ARSL: variants seen among roughly 807,000 people sequenced by gnomAD.
ARSL encodes arylsulfatase L.
A neutral mutation model predicts 31.1 loss-of-function variants in ARSL; 4 were observed. The observed-to-expected ratio is 0.13, with a 90% CI of 0.06 to 0.29. ARSL has a LOEUF of 0.29. ARSL is among the 10% of genes least tolerant of loss of function. The pLI is 1.00. For missense variants in ARSL, 312 were observed against 497.8 expected, an observed-to-expected ratio of 0.63 and a Z score of 3.55; for synonymous variants, 198 against 209.9, an observed-to-expected ratio of 0.94 and a Z score of 0.49.
chrX:2,945,945 C>G, intron 7 of ARSL, 53 bp downstream of exon 7: 1 of 1,199,198 alleles, frequency 8.3e-7, no homozygotes, highest in Admixed American at 2.2e-5. Flanking sequence ...GTTTCCTTTC[C>G]TGCTTCTATT....
At chrX:2,951,213 A>G (rs759035462) in intron 5 of ARSL, among the ~76,000 whole-genome samples, 2 of 111,886 alleles carry the variant, frequency 1.8e-5, no homozygotes, top group Admixed American at 1.9e-4. Context: ...GCACCATGTG[A>G]TATCAGCAGC....
Position 2,958,381 on chromosome X carries a change from T to C in ARSL, c.78A>G (p.Ala26=), listed in dbSNP as rs35718384. 15,579 of 1,210,324 alleles carry C rather than the reference T, an allele frequency of 0.013. 1,167 individuals carry two copies. In the African/African-American group the frequency reaches 0.23, roughly 18 times the overall value. ...CGGAAATGTCGCTGGAAGCTGATGG[T>C]GCCAAACTTAGCAGTACAGCGAGCA... is the stretch of plus-strand genomic sequence containing the variant. ...PAMLAVLLSL[A]PSASSDISAS... Residue 26 remains alanine (A), a synonymous_variant, in exon 3 of 11, where the codon GCA becomes GCG. Coordinates refer to ENST00000381134, the MANE Select transcript of ARSL (RefSeq NM_000047.3).
chrX:2,960,530 C>T, intron 1 of ARSL, 110 bp from the exon 2 acceptor site: 1 of 717,285 alleles, frequency 1.4e-6, no homozygotes, highest in South Asian at 2.6e-5. Flanking sequence ...TTCATGATAT[C>T]AATAGCAAAA....
intron 4 of ARSL, 115 bp from the exon 5 acceptor site, chrX:2,953,380 A>G: frequency 1.1e-6 from 1 of 904,741 alleles, no homozygotes; most frequent in Non-Finnish European, 1.5e-6. Context: ...CTTAAAATTA[A>G]ATTGAAAATG....
chrX:2,960,404 G>GTC lies in ARSL; in HGVS notation c.-6_-5dup, dbSNP rs200332753. ...AAGAATGGTGCAGATGTAACATGTT[G>GTC]TCTCTCTCTCTACTTCCTGTAAGAC... is the stretch of plus-strand genomic sequence containing the variant. On this transcript the variant is annotated 5_prime_UTR_variant, in exon 2 of 11. Coordinates refer to ENST00000381134, the MANE Select transcript of ARSL (RefSeq NM_000047.3). 1 of 1,195,087 alleles carries GTC rather than the reference G, an allele frequency of 8.4e-7. No homozygotes were observed.
intron 1 of ARSL, 128 bp from the exon 2 acceptor site, chrX:2,960,548 A>G: frequency 1.6e-6 from 1 of 619,606 alleles, no homozygotes; most frequent in Non-Finnish European, 2.5e-6. Context: ...AAAATATCTT[A>G]AAACAATGAT....
intron 7 of ARSL, among the ~76,000 whole-genome samples, chrX:2,943,481 C>G (rs1168388748): frequency 9.0e-6 from 1 of 110,695 alleles, no homozygotes; most frequent in Non-Finnish European, 1.9e-5. Flanking sequence ...GTGGCTCACA[C>G]TTGTAATCCC....
chrX:2,949,039 C>T (rs1392581928), intron 6 of ARSL, among the ~76,000 whole-genome samples: 3 of 111,282 alleles, frequency 2.7e-5, no homozygotes, highest in African/African-American at 9.8e-5. Flanking sequence ...TCTCCCACCT[C>T]AGCCTCCCGA....
intron 9 of ARSL, among the ~76,000 whole-genome samples, chrX:2,937,667 C>T (rs1255706366): frequency 1.8e-5 from 2 of 110,968 alleles, no homozygotes; most frequent in East Asian, 5.7e-4. Flanking sequence ...TAAGGGTAAT[C>T]ACCCCAGCAC....
chrX:2,949,269 G>A lies in ARSL; in HGVS notation c.854+35C>T, dbSNP rs367822017. On this transcript the variant is annotated intron_variant, in intron 6 of 10. Coordinates refer to ENST00000381134, the MANE Select transcript of ARSL (RefSeq NM_000047.3). ...TAGGATGCGTTTTCATTCCAAAGCT[G>A]AGTGCTTGGAGGAAGCTGACCCTTT... 5.1e-5 allele frequency: 61 copies of A among 1,203,185 alleles called. No homozygotes were observed. The African/African-American group carries it at 1.0e-3, about 20-fold the overall frequency.
At chrX:2,946,816 T>C (rs191779228) in intron 6 of ARSL, among the ~76,000 whole-genome samples, 163 of 110,342 alleles carry the variant, frequency 1.5e-3, no homozygotes, top group African/African-American at 5.1e-3. Context: ...ATCACAGGCA[T>C]GCACCACAAC....
intron 3 of ARSL, among the ~76,000 whole-genome samples, chrX:2,957,523 A>G (rs897894740): frequency 1.8e-5 from 2 of 108,869 alleles, no homozygotes; most frequent in Non-Finnish European, 3.8e-5. Flanking sequence ...AGCCTGGCCA[A>G]TATGGCAAAA....
Position 2,958,345 on chromosome X carries a change from C to T in ARSL, c.114G>A (p.Pro38=), listed in dbSNP as rs147879083. 1.3e-4 allele frequency: 163 copies of T among 1,210,213 alleles called. No homozygotes were observed. In the African/African-American group the frequency reaches 2.4e-3, roughly 18 times the overall value. ...SASSDISASR[P]NILLLMADDL... ...CGTCCGCCATCAGAAGAAGGATGTT[C>T]GGTCGGGAGGCGGAAATGTCGCTGG... is the stretch of plus-strand genomic sequence containing the variant. Residue 38 remains proline, a synonymous_variant, in exon 3 of 11, where the codon CCG becomes CCA. Transcript: ENST00000381134.
intron 1 of ARSL, among the ~76,000 whole-genome samples, chrX:2,961,938 T>A (rs1194364921): frequency 9.3e-6 from 1 of 107,053 alleles, no homozygotes; most frequent in Non-Finnish European, 1.9e-5. Context: ...TGGAGTGCAA[T>A]GGCGCGATCT....
chrX:2,962,454 G>A (rs138546018), intron 1 of ARSL, among the ~76,000 whole-genome samples: 3,806 of 110,976 alleles, frequency 0.034, 185 homozygotes, highest in African/African-American at 0.12. Context: ...GAGCCAGCAG[G>A]CACTGAGAGC....
chrX:2,963,014 A>G (rs1356764262), intron 1 of ARSL, among the ~76,000 whole-genome samples: 1 of 112,002 alleles, frequency 8.9e-6, no homozygotes, highest in Non-Finnish European at 1.9e-5. Context: ...TACATTATTG[A>G]TGGATGTCTA....
chrX:2,964,309 C>T lies in ARSL; in HGVS notation c.-106G>A. The T allele has an allele frequency of 1.3e-6, 1 of 752,121 alleles. No individual in the cohort carries two copies. Among genetic ancestry groups the T allele is most frequent in the Non-Finnish European group, 1.6e-6 (1 of 639,115 alleles). 62.0% of individuals were successfully genotyped at this position (752,121 alleles called of 1,213,427 possible). Reference sequence around the variant, plus strand: ...GAAGCAAGCGTGAAGGCAGAGAGCACTTGCACAAGGCTTTGAGCTGGGAAT... The same window carrying T: ...GAAGCAAGCGTGAAGGCAGAGAGCATTTGCACAAGGCTTTGAGCTGGGAAT... On this transcript the variant is annotated 5_prime_UTR_variant, in exon 1 of 11. It adds an upstream start codon to the 5' untranslated region. Coordinates refer to ENST00000381134, the MANE Select transcript of ARSL (RefSeq NM_000047.3).
In ARSL at chrX:2,953,214, C is replaced by A; in HGVS notation, c.359G>T (p.Gly120Val). 1 of 1,210,607 alleles carries A rather than the reference C, an allele frequency of 8.3e-7. No individual in the cohort carries two copies. Among genetic ancestry groups the A allele is most frequent in the Non-Finnish European group, 1.1e-6 (1 of 894,518 alleles). ...YRVLQWTGASGGLPTNETTFA... is the reference protein window; with the variant it reads ...YRVLQWTGASVGLPTNETTFA... ...AGTTGTCTCATTTGTTGGAAGACCT[C>A]CAGATGCTCCGGTCCACTGAAGAAC... Residue 120 changes from glycine to valine, a missense_variant, in exon 5 of 11, where the codon GGA becomes GTA. By Grantham distance (109) the Gly-to-Val change is moderately radical. Coordinates refer to ENST00000381134, the MANE Select transcript of ARSL (RefSeq NM_000047.3).
chrX:2,959,578 G>A (rs1450131893), intron 2 of ARSL: 1 of 1,136,011 alleles, frequency 8.8e-7, no homozygotes, highest in Admixed American at 2.9e-5. Context: ...CAGACACCTG[G>A]CCGATGGTAG....
Sources: gnomAD v4.1 joint callset for allele counts (sites outside exome capture counted in the v4.1 genomes callset) on GRCh38, gnomAD v4.1.1 for gene constraint, MANE v1.5 for transcripts, NCBI Gene and HGNC (gene_info 2026-07-23, HGNC 2026-07-21) for gene names.